The following ROR2 variants were observed in gnomAD, a reference collection of about 807,000 sequenced individuals.
The protein encoded by ROR2 is ROR family WNT receptor 2.
Under a neutral mutation model 74.9 loss-of-function variants are expected in ROR2, and 33 were observed. The observed-to-expected ratio is 0.44, with a 90% CI of 0.33 to 0.59. The LOEUF is 0.59. Ranked by LOEUF, ROR2 falls within the 20% of genes least tolerant of loss-of-function variation. ROR2 has a pLI of 0.02. For synonymous variants in ROR2, 586 were observed against 558.7 expected, an observed-to-expected ratio of 1.05 and a Z score of -0.69; for missense variants, 1,216 against 1,313.8, an observed-to-expected ratio of 0.93 and a Z score of 1.15.
intron 1 of ROR2, among the ~76,000 whole-genome samples, chr9:91,946,812 C>T (rs1832025616): frequency 6.6e-6 from 1 of 152,182 alleles, no homozygotes; most frequent in Admixed American, 6.5e-5. Context: ...AAAGGAGTGC[C>T]AGTCCACCAG....
At chr9:91,902,820 C>A (rs555347602) in intron 1 of ROR2, among the ~76,000 whole-genome samples, 37 of 152,306 alleles carry the variant, frequency 2.4e-4, no homozygotes, top group African/African-American at 8.4e-4. Context: ...CATGGATAAG[C>A]CTCGAAGGCA....
chr9:91,867,656 C>CTCTGTG (rs564755026), intron 1 of ROR2, among the ~76,000 whole-genome samples: 9,783 of 131,268 alleles, frequency 0.075, 417 homozygotes, highest in Admixed American at 0.15. Context: ...CACCCATGAG[C>CTCTGTG]TGTGTGTGTG....
At chr9:91,755,748 T>C (rs1825728860) in intron 4 of ROR2, among the ~76,000 whole-genome samples, 1 of 152,220 alleles carries the variant, frequency 6.6e-6, no homozygotes, top group Non-Finnish European at 1.5e-5. Context: ...TGTTTCCCAA[T>C]GTCCTAATGA....
intron 1 of ROR2, among the ~76,000 whole-genome samples, chr9:91,833,673 C>T (rs760234923): frequency 6.6e-6 from 1 of 152,168 alleles, no homozygotes; most frequent in Non-Finnish European, 1.5e-5. Context: ...TGCCTGCACT[C>T]CTGCCAGCCT....
intron 1 of ROR2, among the ~76,000 whole-genome samples, chr9:91,865,953 A>C (rs2071838603): frequency 6.6e-6 from 1 of 152,224 alleles, no homozygotes; most frequent in Non-Finnish European, 1.5e-5. Flanking sequence ...ATATTGAATA[A>C]ATGACACTTT....
intron 1 of ROR2, among the ~76,000 whole-genome samples, chr9:91,864,449 A>G (rs1829567561): frequency 1.3e-5 from 2 of 152,230 alleles, no homozygotes; most frequent in African/African-American, 4.8e-5. Context: ...CTGTCAACAC[A>G]CATGGAGAAG....
chr9:91,890,376 C>T, intron 1 of ROR2, among the ~76,000 whole-genome samples: 1 of 152,184 alleles, frequency 6.6e-6, no homozygotes, highest in Admixed American at 6.5e-5. Context: ...ATTTCTTTTT[C>T]TTTGATATTC....
At chr9:91,786,290 G>A (rs536775994) in intron 1 of ROR2, among the ~76,000 whole-genome samples, 68 of 151,834 alleles carry the variant, frequency 4.5e-4, no homozygotes, top group Non-Finnish European at 7.1e-4. Context: ...TCATGCCACT[G>A]CACTCCAGTC....
chr9:91,936,986 C>T (rs929873289), intron 1 of ROR2, among the ~76,000 whole-genome samples: 6 of 138,874 alleles, frequency 4.3e-5, no homozygotes, highest in South Asian at 2.3e-4. Flanking sequence ...GCCGAGATCC[C>T]GCCACTGCAC....
rs1217698526 is a variant in ROR2, at chr9:91,905,380, C to T, written c.97+44487G>A. 2.6e-5 allele frequency among the ~76,000 whole-genome samples: 4 copies of T among 151,840 alleles called. No homozygotes were observed. On this transcript the variant is annotated intron_variant, in intron 1 of 8. Transcript: ENST00000375708. The surrounding 1 kb of genome is among the most constrained non-coding windows in gnomAD (Gnocchi z 5.3). ...CACCATACACACAAGACACACAACA[C>T]ATACCACACACACAGAGAGACAAAA... is the stretch of plus-strand genomic sequence containing the variant.
chr9:91,879,435 T>TGG (rs746962164), intron 1 of ROR2, among the ~76,000 whole-genome samples: 6 of 147,008 alleles, frequency 4.1e-5, no homozygotes, highest in African/African-American at 1.3e-4. Flanking sequence ...TGTGTGGGTG[T>TGG]GGGGGGGTGT....
chr9:91,758,369 C>T (rs747425150), intron 2 of ROR2, among the ~76,000 whole-genome samples: 23 of 152,286 alleles, frequency 1.5e-4, no homozygotes, highest in African/African-American at 4.6e-4. Flanking sequence ...TGTAAATTCA[C>T]GCTCAGAAAG....
intron 1 of ROR2, among the ~76,000 whole-genome samples, chr9:91,830,185 T>C (rs537150440): frequency 6.6e-6 from 1 of 152,346 alleles, no homozygotes; most frequent in East Asian, 1.9e-4. Context: ...CTATTTCTGA[T>C]TGGGTGTGGT....
chr9:91,727,128 T>C (rs1837068423), intron 7 of ROR2, among the ~76,000 whole-genome samples: 1 of 152,126 alleles, frequency 6.6e-6, no homozygotes, highest in Non-Finnish European at 1.5e-5. Context: ...TACTGACAAG[T>C]TCATGAAATT....
In ROR2 at chr9:91,724,623, T is replaced by C. The variant is rs1322191775; in HGVS notation, c.1871A>G (p.Tyr624Cys). The change falls in exon 9 of 9, where the codon TAC (tyrosine) becomes TGC (cysteine). Residue 624 changes from tyrosine (Y) to cysteine (C), a missense_variant. Coordinates refer to ENST00000375708, the MANE Select transcript of ROR2 (RefSeq NM_004560.4). Reference sequence around the variant, plus strand: ...TGAGATCTTCACGTTCAGCTTGTCGTACACTAGCACATTGCGGGTGGCCAG... The same window carrying C: ...TGAGATCTTCACGTTCAGCTTGTCGCACACTAGCACATTGCGGGTGGCCAG... ...KDLATRNVLVYDKLNVKISDL... is the reference protein window; with the variant it reads ...KDLATRNVLVCDKLNVKISDL... 6.2e-7 allele frequency: 1 copy of C among 1,614,202 alleles called. No individual in the cohort carries two copies. The highest frequency in any genetic ancestry group is 1.7e-5 in the Admixed American group (1 of 60,028).
intron 1 of ROR2, among the ~76,000 whole-genome samples, chr9:91,891,301 C>A (rs1277997537): frequency 6.6e-6 from 1 of 150,588 alleles, no homozygotes; most frequent in Non-Finnish European, 1.5e-5. Flanking sequence ...ACTTGTCACC[C>A]AGGCTGGAGT....
intron 1 of ROR2, among the ~76,000 whole-genome samples, chr9:91,912,320 C>A (rs7865637): frequency 2.0e-5 from 3 of 151,994 alleles, no homozygotes; most frequent in Non-Finnish European, 4.4e-5. Flanking sequence ...AAATTTCCTA[C>A]TTATTAGTAC....
chr9:91,939,261 T>A (rs933423771), intron 1 of ROR2, among the ~76,000 whole-genome samples: 1 of 151,734 alleles, frequency 6.6e-6, no homozygotes. Flanking sequence ...AAAAAAAAAA[T>A]TAAATTAAAT....
chr9:91,795,487 A>G (rs371777165), intron 1 of ROR2, among the ~76,000 whole-genome samples: 7 of 152,366 alleles, frequency 4.6e-5, no homozygotes, highest in African/African-American at 1.7e-4. Context: ...CTAATGGATT[A>G]GTCACTTCTA....
Sources: allele counts gnomAD v4.1 joint callset (sites outside exome capture counted in the v4.1 genomes callset), GRCh38; gene constraint gnomAD v4.1.1; non-coding constraint Gnocchi (gnomAD v3.1); transcripts MANE v1.5; gene names NCBI Gene and HGNC (gene_info 2026-07-23, HGNC 2026-07-21).